CMSS1: variants seen among roughly 807,000 people sequenced by gnomAD.
CMSS1 encodes the protein protein CMSS1.
In CMSS1, 33 loss-of-function variants were observed where a neutral mutation model predicts 43.5. The observed-to-expected ratio is 0.76, with a 90% CI of 0.57 to 1.01. The LOEUF (loss-of-function observed/expected upper bound fraction) is 1.01, where lower values mean the gene tolerates loss of function less well. Among genes scored for constraint, CMSS1 ranks in the 50% least tolerant of loss-of-function variants. CMSS1 has a pLI of 0.00. For synonymous variants in CMSS1, 115 were observed against 117.2 expected (o/e 0.98, Z 0.12); for missense variants, 313 against 326.4 (o/e 0.96, Z 0.32).
intron 1 of CMSS1, among the ~76,000 whole-genome samples, chr3:100,012,002 A>C (rs1055118189): frequency 1.3e-5 from 2 of 152,212 alleles, no homozygotes; most frequent in Non-Finnish European, 2.9e-5. Context: ...TAATTCCCAT[A>C]TCAATTATCA....
At chr3:99,921,496 G>T (rs1245226934) in intron 1 of CMSS1, among the ~76,000 whole-genome samples, 1 of 152,152 alleles carries the variant, frequency 6.6e-6, no homozygotes, top group African/African-American at 2.4e-5. Context: ...GGCAAAGCAA[G>T]GGAAGTCACA....
At chr3:100,001,244 C>A (rs985904827) in intron 1 of CMSS1, among the ~76,000 whole-genome samples, 1 of 152,184 alleles carries the variant, frequency 6.6e-6, no homozygotes, top group Non-Finnish European at 1.5e-5. Flanking sequence ...TCAAATCAGA[C>A]CCTTAATCTG....
In CMSS1 at chr3:100,003,980, C is replaced by T. The variant is rs564883318; in HGVS notation, c.65-142993C>T. Among the ~76,000 whole-genome samples, 12 of 152,184 alleles carry T rather than the reference C, an allele frequency of 7.9e-5. No individual in the cohort carries two copies. The South Asian group carries it at 1.2e-3, about 16-fold the overall frequency. ...TGCCTGGGAATGAACCTGAAATGGA[C>T]GGTGTATATTGATTTTTCTGTACAT... On this transcript the variant is annotated intron_variant, in intron 1 of 9. Coordinates refer to ENST00000421999, the MANE Select transcript of CMSS1 (RefSeq NM_032359.4).
intron 1 of CMSS1, among the ~76,000 whole-genome samples, chr3:100,133,368 C>G (rs544865016): frequency 2.2e-4 from 33 of 152,060 alleles, no homozygotes; most frequent in Non-Finnish European, 3.8e-4. Context: ...TTCATATACA[C>G]ACAGAGACAG....
At chr3:99,889,210 C>T (rs1321421935) in intron 1 of CMSS1, among the ~76,000 whole-genome samples, 1 of 152,094 alleles carries the variant, frequency 6.6e-6, no homozygotes, top group Non-Finnish European at 1.5e-5. Context: ...GTGCTGTACT[C>T]TCCCACTGTG....
At chr3:100,045,401 A>AG (rs1417534103) in intron 1 of CMSS1, among the ~76,000 whole-genome samples, 1 of 152,234 alleles carries the variant, frequency 6.6e-6, no homozygotes, top group Non-Finnish European at 1.5e-5. Context: ...GAGTGAATAA[A>AG]GGAATGAACA....
At chr3:100,148,143 A>G (rs2066870027) in intron 2 of CMSS1, among the ~76,000 whole-genome samples, 1 of 152,188 alleles carries the variant, frequency 6.6e-6, no homozygotes, top group African/African-American at 2.4e-5. Flanking sequence ...CAGTGGCACA[A>G]TCATGGCTTA....
At chr3:99,979,153 A>G (rs1709050148) in intron 1 of CMSS1, among the ~76,000 whole-genome samples, 2 of 152,242 alleles carry the variant, frequency 1.3e-5, no homozygotes, top group Non-Finnish European at 2.9e-5. Flanking sequence ...TGATTTGATC[A>G]TTACACACTG....
At chr3:99,909,656 G>A (rs907472009) in intron 1 of CMSS1, among the ~76,000 whole-genome samples, 3 of 152,130 alleles carry the variant, frequency 2.0e-5, no homozygotes, top group African/African-American at 7.2e-5. Context: ...GGTATCAAGT[G>A]TGTCATGTTT....
chr3:100,166,236 T>C, intron 4 of CMSS1, 99 bp from the exon 5 acceptor site: 2 of 766,344 alleles, frequency 2.6e-6, no homozygotes, highest in South Asian at 3.3e-5. Flanking sequence ...TCACTAATAT[T>C]TTACAACCTT....
At chr3:99,941,556 A>G (rs78451913) in intron 1 of CMSS1, among the ~76,000 whole-genome samples, 1,763 of 152,316 alleles carry the variant, frequency 0.012, 19 homozygotes, top group African/African-American at 0.026. Flanking sequence ...AATGGTGAAA[A>G]GTGAGGGCAG....
At chr3:100,134,002 A>G (rs76967977) in intron 1 of CMSS1, among the ~76,000 whole-genome samples, 2,551 of 152,290 alleles carry the variant, frequency 0.017, 30 homozygotes, top group Non-Finnish European at 0.027. Context: ...GTGAATGCCA[A>G]AGGGTACTCT....
chr3:100,168,892 CAT>C (rs1181175718), intron 6 of CMSS1, among the ~76,000 whole-genome samples: 6 of 150,504 alleles, frequency 4.0e-5, no homozygotes, highest in East Asian at 3.9e-4. Context: ...CACACACACA[CAT>C]ATATATATAC....
At chr3:100,113,941 A>G (rs553108762) in intron 1 of CMSS1, 1 of 152,246 alleles carries the variant, frequency 6.6e-6, no homozygotes, top group South Asian at 2.1e-4. Flanking sequence ...TCCCTTGCAT[A>G]ATATTCACAA....
intron 1 of CMSS1, among the ~76,000 whole-genome samples, chr3:99,911,860 G>A (rs947792299): frequency 6.6e-6 from 1 of 151,878 alleles, no homozygotes; most frequent in Non-Finnish European, 1.5e-5. Flanking sequence ...CAAGCATAGT[G>A]TTAAGTTAAA....
chr3:100,144,860 T>C (rs916872204), intron 1 of CMSS1, among the ~76,000 whole-genome samples: 2 of 152,194 alleles, frequency 1.3e-5, no homozygotes, highest in Admixed American at 1.3e-4. Flanking sequence ...GAGTTTGCTA[T>C]TGAATTATTC....
At chr3:100,059,441 C>G (rs933620502) in intron 1 of CMSS1, among the ~76,000 whole-genome samples, 1 of 152,212 alleles carries the variant, frequency 6.6e-6, no homozygotes, top group African/African-American at 2.4e-5. Context: ...TCACTCTAGC[C>G]TTGCTTCCTT....
chr3:99,851,088 C>T, intron 1 of CMSS1: 1 of 1,545,216 alleles, frequency 6.5e-7, no homozygotes, highest in Non-Finnish European at 8.7e-7. Context: ...ATGTAAAGTG[C>T]ATTTTATTTT....
At chr3:100,119,935 A>T (rs2066605957) in intron 1 of CMSS1, among the ~76,000 whole-genome samples, 1 of 152,250 alleles carries the variant, frequency 6.6e-6, no homozygotes, top group Non-Finnish European at 1.5e-5. Flanking sequence ...TTATTTAGGA[A>T]CTGGTATAAT....
Sources: gnomAD v4.1 joint callset for allele counts (sites outside exome capture counted in the v4.1 genomes callset) on GRCh38, gnomAD v4.1.1 for gene constraint, MANE v1.5 for transcripts, NCBI Gene and HGNC (gene_info 2026-07-23, HGNC 2026-07-21) for gene names.